The following ARHGEF4 variants were observed in gnomAD, a reference collection of about 807,000 sequenced individuals.
The protein encoded by ARHGEF4 is Rho guanine nucleotide exchange factor 4.
A neutral mutation model predicts 162.0 loss-of-function variants in ARHGEF4; 119 were observed. The observed-to-expected ratio is 0.73, with a 90% CI of 0.63 to 0.86. The LOEUF is 0.86. Among genes scored for constraint, ARHGEF4 ranks in the 40% least tolerant of loss-of-function variants. ARHGEF4 has a pLI of 0.00. For synonymous variants in ARHGEF4, 1,014 were observed against 979.9 expected (o/e 1.03, Z -0.65); for missense variants, 2,488 against 2,456.0 (o/e 1.01, Z -0.28).
intron 1 of ARHGEF4, among the ~76,000 whole-genome samples, chr2:130,839,149 TGTGA>T (rs1207714679): frequency 1.3e-5 from 2 of 152,040 alleles, no homozygotes; most frequent in Non-Finnish European, 2.9e-5. Flanking sequence ...CTTCTGGCTG[TGTGA>T]GTGTGTCTTG....
intron 3 of ARHGEF4, among the ~76,000 whole-genome samples, chr2:130,936,759 CTT>C (rs1682964559): frequency 6.6e-6 from 1 of 151,978 alleles, no homozygotes; most frequent in Admixed American, 6.6e-5. Context: ...CAGTGTAAGT[CTT>C]TATGTTTATC....
In ARHGEF4 at chr2:130,850,765, C is replaced by A. The variant is rs551678693; in HGVS notation, c.39+13773C>A. 3.9e-5 allele frequency among the ~76,000 whole-genome samples: 6 copies of A among 152,334 alleles called. No individual in the cohort carries two copies. The South Asian group carries it at 1.2e-3, about 32-fold the overall frequency. On this transcript the variant is annotated intron_variant, in intron 1 of 13. Coordinates refer to ENST00000409359, the MANE Select transcript of ARHGEF4 (RefSeq NM_001367493.1). Reference sequence around the variant, plus strand: ...GGACTGAGGTGCATGTAGAGGTGAGCAGAGCCACACGGGAAGGGGAAGCAG... The same window carrying A: ...GGACTGAGGTGCATGTAGAGGTGAGAAGAGCCACACGGGAAGGGGAAGCAG...
At chr2:130,930,079 G>A (rs929652006) in intron 2 of ARHGEF4, among the ~76,000 whole-genome samples, 13 of 152,176 alleles carry the variant, frequency 8.5e-5, no homozygotes, top group African/African-American at 2.2e-4. Flanking sequence ...ATTTTTAGTA[G>A]AGACGAGGTT....
At chr2:130,928,859 C>A (rs550467720) in intron 2 of ARHGEF4, among the ~76,000 whole-genome samples, 1 of 152,294 alleles carries the variant, frequency 6.6e-6, no homozygotes, top group Admixed American at 6.5e-5. Context: ...GGCCCCCTCC[C>A]CTGGACACAT....
chr2:131,025,943 T>C (rs911169593), intron 4 of ARHGEF4, among the ~76,000 whole-genome samples: 5 of 152,210 alleles, frequency 3.3e-5, no homozygotes, highest in African/African-American at 4.8e-5. Flanking sequence ...GCAGCCCTGG[T>C]TTCATCTGCA....
chr2:130,916,242 CG>C lies in ARHGEF4; in HGVS notation c.2297del (p.Arg766ProfsTer32). On this transcript the variant is annotated frameshift_variant, in exon 2 of 14. Transcript: ENST00000409359. LOFTEE classifies it high-confidence loss of function. Reference sequence around the variant, plus strand: ...CGGTGCTGCAGCAGCCCGGGGCCAGCGCCCCCGCGTCCCCGCCTTGGAGCCG... The same window carrying C: ...CGGTGCTGCAGCAGCCCGGGGCCAGCCCCCCGCGTCCCCGCCTTGGAGCCG... ...EGGAAAARGQ[R>X]PRVPALEPPQ... is the part of the protein sequence containing the mutation. The C allele has an allele frequency of 6.5e-7, 1 of 1,526,772 alleles. No individual in the cohort carries two copies. The highest frequency in any genetic ancestry group is 8.8e-7 in the Non-Finnish European group (1 of 1,138,762). 94.6% of individuals were successfully genotyped at this position (1,526,772 alleles called of 1,614,324 possible). A position where few individuals can be genotyped will look rare whatever the true frequency, so the allele number is the denominator to read the frequency against.
chr2:131,004,209 G>T (rs1226747706), intron 4 of ARHGEF4, among the ~76,000 whole-genome samples: 1 of 152,052 alleles, frequency 6.6e-6, no homozygotes, highest in Admixed American at 6.5e-5. Flanking sequence ...TCTGTCGCTC[G>T]GGCTGGAGTG....
In ARHGEF4 at chr2:131,033,118, G is replaced by T. The variant is rs555945735; in HGVS notation, c.4125+5034G>T. ...TCTGCCCGCCTTGGCTTCGCAAAGTGCTGGGATTACAGGTTGTGAGCCACC... is the reference window on the plus strand; with the variant it reads ...TCTGCCCGCCTTGGCTTCGCAAAGTTCTGGGATTACAGGTTGTGAGCCACC... On this transcript the variant is annotated intron_variant, in intron 5 of 13. Transcript: ENST00000409359. Among the ~76,000 whole-genome samples the T allele has an allele frequency of 3.2e-4, 48 of 152,242 alleles. No homozygotes were observed. In the East Asian group the frequency reaches 8.7e-3, roughly 28 times the overall value.
intron 5 of ARHGEF4, among the ~76,000 whole-genome samples, chr2:131,036,905 C>T (rs1014373925): frequency 6.6e-6 from 1 of 152,194 alleles, no homozygotes; most frequent in African/African-American, 2.4e-5. Flanking sequence ...TCTTCAGGGC[C>T]TCAGCGGGGT....
In ARHGEF4 at chr2:130,974,380, TTTA is replaced by T. The variant is rs147927238; in HGVS notation, c.3985+27748_3985+27750del. On this transcript the variant is annotated intron_variant, in intron 4 of 13. Coordinates refer to ENST00000409359, the MANE Select transcript of ARHGEF4 (RefSeq NM_001367493.1). ...TCCTTATCAACCTTGCCCTACAGGT[TTTA>T]TTTTATTAAAAATAAAATATATTTA... 4.6e-3 allele frequency among the ~76,000 whole-genome samples: 693 copies of T among 152,254 alleles called. 5 individuals are homozygous for T. The highest frequency in any genetic ancestry group is 0.016 in the African/African-American group (664 of 41,546).
intron 5 of ARHGEF4, among the ~76,000 whole-genome samples, chr2:131,036,964 G>A (rs1371117435): frequency 6.6e-6 from 1 of 152,148 alleles, no homozygotes; most frequent in Non-Finnish European, 1.5e-5. Flanking sequence ...ATGGTCGCCT[G>A]AGCCCTCCTG....
intron 4 of ARHGEF4, among the ~76,000 whole-genome samples, chr2:130,999,182 G>A (rs369363782): frequency 1.3e-3 from 192 of 142,838 alleles, no homozygotes; most frequent in Non-Finnish European, 1.9e-3. Context: ...TTTTTGAGAC[G>A]GAGTCTCGCT....
At chr2:130,846,703 G>A (rs1035338262) in intron 1 of ARHGEF4, among the ~76,000 whole-genome samples, 19 of 152,208 alleles carry the variant, frequency 1.2e-4, no homozygotes, top group Non-Finnish European at 2.6e-4. Flanking sequence ...GCAGAAGGAG[G>A]AAGGAAGCCA....
chr2:130,936,866 G>A (rs900501374), intron 3 of ARHGEF4, among the ~76,000 whole-genome samples: 1 of 144,450 alleles, frequency 6.9e-6, no homozygotes, highest in African/African-American at 2.5e-5. Flanking sequence ...AAGTCTTTCT[G>A]ATCATTTTCT....
At chr2:130,837,600 G>T in intron 1 of ARHGEF4, 1 of 451,388 alleles carries the variant, frequency 2.2e-6, no homozygotes, top group Non-Finnish European at 4.4e-6. Context: ...CAGTTGGGAC[G>T]CCTCCACCTC....
chr2:130,912,665 C>T (rs1293465034), intron 1 of ARHGEF4, among the ~76,000 whole-genome samples: 2 of 152,078 alleles, frequency 1.3e-5, no homozygotes, highest in Non-Finnish European at 2.9e-5. Context: ...GGGCTGAGTG[C>T]TTGGCCAGCT....
intron 1 of ARHGEF4, among the ~76,000 whole-genome samples, chr2:130,841,360 G>A (rs1441879232): frequency 6.6e-6 from 1 of 150,728 alleles, no homozygotes; most frequent in Non-Finnish European, 1.5e-5. Context: ...CACCGCGCCA[G>A]GCCTAGAAAG....
Position 130,959,996 on chromosome 2 carries a change from T to C in ARHGEF4, c.3985+13361T>C, listed in dbSNP as rs112704457. Among the ~76,000 whole-genome samples, 346 of 152,392 alleles carry C rather than the reference T, an allele frequency of 2.3e-3. 2 individuals carry two copies. The highest frequency in any genetic ancestry group is 7.9e-3 in the African/African-American group (327 of 41,600). Reference sequence around the variant, plus strand: ...TCAAAAAACACTGAACCTTCTGTGCTGGCCTTTCTGATAAAGACACTGCAT... The same window carrying C: ...TCAAAAAACACTGAACCTTCTGTGCCGGCCTTTCTGATAAAGACACTGCAT... On this transcript the variant is annotated intron_variant, in intron 4 of 13. Transcript: ENST00000409359.
At position 130,915,268 on chromosome 2, in the gene ARHGEF4, G is replaced by T. The variant is rs757719052; in HGVS notation, c.1322G>T (p.Cys441Phe). Reference sequence around the variant, plus strand: ...TCCAGGTCATGTCTGGTGGCTTCATGCCTCACCTCAGAGTTAGTGAAGCTC... The same window carrying T: ...TCCAGGTCATGTCTGGTGGCTTCATTCCTCACCTCAGAGTTAGTGAAGCTC... The part of the protein sequence containing the change: ...QDSRSCLVAS[C>F]LTSELVKLSA... The change falls in exon 2 of 14, where the codon TGC becomes TTC. Residue 441 changes from cysteine to phenylalanine, a missense_variant. By Grantham distance (205) the Cys-to-Phe change is radical. This residue lies in a region of ARHGEF4 where 1,642 missense variants were observed against 1,481.5 expected (regional missense o/e 1.11). Coordinates refer to ENST00000409359, the MANE Select transcript of ARHGEF4 (RefSeq NM_001367493.1). The T allele has an allele frequency of 4.3e-5, 66 of 1,550,474 alleles. No homozygotes were observed. The highest frequency in any genetic ancestry group is 5.2e-5 in the Non-Finnish European group (60 of 1,147,020).
Sources: allele counts gnomAD v4.1 joint callset (sites outside exome capture counted in the v4.1 genomes callset), GRCh38; gene constraint gnomAD v4.1.1; regional missense constraint gnomAD v4.1.1; transcripts MANE v1.5; gene names NCBI Gene and HGNC (gene_info 2026-07-23, HGNC 2026-07-21).